KLHL23: variants seen among roughly 807,000 people sequenced by gnomAD.
KLHL23 encodes the protein kelch-like protein 23.
In KLHL23, 33 loss-of-function variants were observed where a neutral mutation model predicts 48.9. That is an observed-to-expected ratio of 0.67 (90% CI 0.51 to 0.90). KLHL23 has a LOEUF of 0.90. KLHL23 is among the 40% of genes least tolerant of loss of function. The pLI, the probability that KLHL23 is intolerant of heterozygous loss-of-function variation, is 0.00. For synonymous variants in KLHL23, 234 were observed against 231.6 expected, an observed-to-expected ratio of 1.01 and a Z score of -0.09; for missense variants, 608 against 669.6, an observed-to-expected ratio of 0.91 and a Z score of 1.02.
rs1170040698 is a variant in KLHL23, at chr2:169,749,815, C to T, written c.*83C>T. The T allele has an allele frequency of 1.6e-5, 24 of 1,479,932 alleles. No individual in the cohort carries two copies. The highest frequency in any genetic ancestry group is 1.4e-5 in the Non-Finnish European group (15 of 1,101,868). The allele number at this position is 1,479,932 out of a possible 1,614,324, so 91.7% of individuals were successfully genotyped here. ...AGAATGCAGGGTTTGAAGTTCCTTA[C>T]CTGATAATTGTGTCTGGCACATGAT... On this transcript the variant is annotated 3_prime_UTR_variant, in exon 4 of 4. Coordinates refer to ENST00000392647, the MANE Select transcript of KLHL23 (RefSeq NM_144711.6).
rs767778968 is a variant in KLHL23 at position 169,735,758 on chromosome 2, C to A, written c.744C>A (p.Thr248=). The change falls in exon 2 of 4, where the codon ACC becomes ACA. Residue 248 remains threonine, a synonymous_variant. Coordinates refer to ENST00000392647, the MANE Select transcript of KLHL23 (RefSeq NM_144711.6). The surrounding 1 kb of genome is among the most constrained non-coding windows in gnomAD (Gnocchi z 4.5). Reference sequence around the variant, plus strand: ...GCCTTCAAAGAAGCTGCCTGCTCACCGAAAATAAGATCCGCTCCCTAATAT... The same window carrying A: ...GCCTTCAAAGAAGCTGCCTGCTCACAGAAAATAAGATCCGCTCCCTAATAT... The part of the protein sequence containing the change: ...ALGLQRSCLL[T]ENKIRSLIYN... 6.2e-7 allele frequency: 1 copy of A among 1,613,984 alleles called. No homozygotes were observed. The highest frequency in any genetic ancestry group is 8.5e-7 in the Non-Finnish European group (1 of 1,180,012).
At chr2:169,738,463 C>A (rs72891408) in intron 2 of KLHL23, among the ~76,000 whole-genome samples, 1 of 151,722 alleles carries the variant, frequency 6.6e-6, no homozygotes, top group South Asian at 2.1e-4. Context: ...TTTTTCAATT[C>A]GTTTTATTTT....
At position 169,749,573 on chromosome 2, in the gene KLHL23, GA is replaced by G. The variant is rs1283166973; in HGVS notation, c.1520del (p.Asn507MetfsTer33). ...RRMECGAVIM[N>X]GCIYVTGGYS... is the part of the protein sequence containing the mutation. ...GGATGGAGTGCGGTGCCGTCATCAT[GA>G]ATGGATGTATTTATGTCACTGGAGG... On this transcript the variant is annotated frameshift_variant, in exon 4 of 4. Transcript: ENST00000392647. LOFTEE classifies it high-confidence loss of function. The G allele has an allele frequency of 2.5e-6, 4 of 1,614,070 alleles. No individual in the cohort carries two copies. The highest frequency in any genetic ancestry group is 3.4e-6 in the Non-Finnish European group (4 of 1,180,012).
chr2:169,741,165 C>T (rs1014685716), intron 2 of KLHL23: 1 of 407,576 alleles, frequency 2.5e-6, no homozygotes, highest in Non-Finnish European at 4.3e-6. Flanking sequence ...TTATGGAGAT[C>T]ATTGTGCGTG....
intron 3 of KLHL23, among the ~76,000 whole-genome samples, chr2:169,742,356 A>G (rs1053488106): frequency 2.0e-5 from 3 of 152,178 alleles, no homozygotes; most frequent in Non-Finnish European, 2.9e-5. Flanking sequence ...AGCACTTCAT[A>G]TGTGTATTAC....
rs1192102856 is a variant in KLHL23, at chr2:169,735,703, T to C, written c.689T>C (p.Ile230Thr). 2 of 1,614,014 alleles carry C rather than the reference T, an allele frequency of 1.2e-6. No homozygotes were observed. Among genetic ancestry groups the C allele is most frequent in the East Asian group, 2.2e-5 (1 of 44,880 alleles). ...CTACTGAGCTATATCAACATTGATA[T>C]AGATCCAGTGTACTTAAAAACAGCC... ...YNLLSYINID[I>T]DPVYLKTALG... Residue 230 changes from isoleucine (I) to threonine (T), a missense_variant, in exon 2 of 4, where the codon ATA becomes ACA. Coordinates refer to ENST00000392647, the MANE Select transcript of KLHL23 (RefSeq NM_144711.6). This position sits in a 1 kb window ranked among gnomAD's most constrained non-coding sequence, Gnocchi z 4.5.
At chr2:169,738,835 TC>T (rs1688583808) in intron 2 of KLHL23, among the ~76,000 whole-genome samples, 5 of 8,180 alleles carry the variant, frequency 6.1e-4, no homozygotes, top group Non-Finnish European at 9.0e-4. Context: ...TTCCTCCCCC[TC>T]CTCCCCCTCC....
At chr2:169,734,267 G>A (rs983898724) in intron 1 of KLHL23, among the ~76,000 whole-genome samples, 180 bp downstream of exon 1, 2 of 147,114 alleles carry the variant, frequency 1.4e-5, no homozygotes, top group African/African-American at 4.9e-5. Context: ...TTGCGCTGGG[G>A]CTGCCTGCGG....
chr2:169,736,087 C>T lies in KLHL23; in HGVS notation c.1073C>T (p.Ala358Val), dbSNP rs763407323. ...ACAGAAGGTTTGCCAATGCTCAATGCCAGGTATTACCACTGTGCAGTCACC... is the reference window on the plus strand; with the variant it reads ...ACAGAAGGTTTGCCAATGCTCAATGTCAGGTATTACCACTGTGCAGTCACC... The part of the protein sequence containing the change: ...EWTEGLPMLN[A>V]RYYHCAVTLG... The change falls in exon 2 of 4, where the codon GCC becomes GTC. Residue 358 changes from alanine to valine, a missense_variant. Physicochemically the swap from Ala to Val is moderately conservative, Grantham distance 64. Around this residue, in one of 3 missense-constraint regions of KLHL23, gnomAD observed 419 missense variants for 473.1 expected, o/e 0.89. Transcript: ENST00000392647. 1 of 1,614,154 alleles carries T rather than the reference C, an allele frequency of 6.2e-7. No homozygotes were observed. The highest frequency in any genetic ancestry group is 8.5e-7 in the Non-Finnish European group (1 of 1,180,042).
Position 169,735,000 on chromosome 2 carries a change from A to G in KLHL23, c.-2-13A>G. The G allele has an allele frequency of 6.6e-7, 1 of 1,520,286 alleles. No individual in the cohort carries two copies. The highest frequency in any genetic ancestry group is 2.3e-4 in the Middle Eastern group (1 of 4,396). 94.2% of individuals were successfully genotyped at this position (1,520,286 alleles called of 1,614,324 possible). A position where few individuals can be genotyped will look rare whatever the true frequency, so the allele number is the denominator to read the frequency against. ...ACATTGAAAACACATTTGTTATTTC[A>G]TATTTATTGCAGCCATGGCTCTAAA... On this transcript the variant is annotated splice_polypyrimidine_tract_variant and intron_variant, in intron 1 of 3. Coordinates refer to ENST00000392647, the MANE Select transcript of KLHL23 (RefSeq NM_144711.6).
chr2:169,749,055 G>A (rs1033465346), intron 3 of KLHL23, among the ~76,000 whole-genome samples: 1 of 152,178 alleles, frequency 6.6e-6, no homozygotes, highest in African/African-American at 2.4e-5. Flanking sequence ...TGCTTATCGA[G>A]GGTATCTTTC....
chr2:169,738,307 A>G (rs1027382359), intron 2 of KLHL23, among the ~76,000 whole-genome samples: 1 of 151,826 alleles, frequency 6.6e-6, no homozygotes, highest in Non-Finnish European at 1.5e-5. Flanking sequence ...GGGTCTCACT[A>G]TGTTGCCCAG....
chr2:169,748,356 G>A (rs904847885), intron 3 of KLHL23, among the ~76,000 whole-genome samples: 12 of 152,308 alleles, frequency 7.9e-5, no homozygotes, highest in Admixed American at 2.6e-4. Context: ...GCGATAGTGC[G>A]CTAAATCTTT....
At chr2:169,734,365 C>T (rs1027977876) in intron 1 of KLHL23, among the ~76,000 whole-genome samples, 3 of 148,678 alleles carry the variant, frequency 2.0e-5, no homozygotes, top group Non-Finnish European at 3.0e-5. Context: ...GAGTCCAGCC[C>T]CGCTCCTGGC....
rs1250860979 is a variant in KLHL23, at chr2:169,736,181, T to C, written c.1167T>C (p.Tyr389=). 6.2e-7 allele frequency: 1 copy of C among 1,612,698 alleles called. No individual in the cohort carries two copies. The highest frequency in any genetic ancestry group is 2.2e-5 in the East Asian group (1 of 44,882). The change falls in exon 2 of 4, where the codon TAT becomes TAC. Residue 389 remains tyrosine (Y), a synonymous_variant. Coordinates refer to ENST00000392647, the MANE Select transcript of KLHL23 (RefSeq NM_144711.6). ...CTCCAGCAGAAGAGGCTGAGTTCTATGATCCTTTAAAAGAGAAATGGATTC... is the reference window on the plus strand; with the variant it reads ...CTCCAGCAGAAGAGGCTGAGTTCTACGATCCTTTAAAAGAGAAATGGATTC... ...KGAPAEEAEF[Y]DPLKEKWIPI...
Position 169,739,105 on chromosome 2 carries a change from G to T in KLHL23, c.1214-2280G>T, listed in dbSNP as rs1316462046. 2.1e-5 allele frequency among the ~76,000 whole-genome samples: 3 copies of T among 142,458 alleles called. No homozygotes were observed. The East Asian group carries it at 6.5e-4, about 31-fold the overall frequency. 93.5% of individuals were successfully genotyped at this position (142,458 alleles called of 152,430 possible). A position where few individuals can be genotyped will look rare whatever the true frequency, so the allele number is the denominator to read the frequency against. On this transcript the variant is annotated intron_variant, in intron 2 of 3. Coordinates refer to ENST00000392647, the MANE Select transcript of KLHL23 (RefSeq NM_144711.6). ...ACTTCCCCCACCCCTCCTTGTTTTGGCATCAGTGATTCCAGTTTTTCCAGC... is the reference window on the plus strand; with the variant it reads ...ACTTCCCCCACCCCTCCTTGTTTTGTCATCAGTGATTCCAGTTTTTCCAGC...
At position 169,749,704 on chromosome 2, in the gene KLHL23, AT is replaced by A; in HGVS notation, c.1650del (p.His550GlnfsTer11). 1 of 1,609,880 alleles carries A rather than the reference AT, an allele frequency of 6.2e-7. No individual in the cohort carries two copies. Among genetic ancestry groups the A allele is most frequent in the East Asian group, 2.2e-5 (1 of 44,774 alleles). ...AATCTTCCCAGTGCCATGCGGTCTC[AT>A]GGGTGTGTTTGTGTGTATAATGTCT... is the stretch of plus-strand genomic sequence containing the variant. ...VGNLPSAMRS[H>X]GCVCVYNV is the part of the protein sequence containing the mutation. On this transcript the variant is annotated frameshift_variant, in exon 4 of 4. Transcript: ENST00000392647. LOFTEE classifies it high-confidence loss of function.
rs191338134 is a variant in KLHL23 at position 169,733,930 on chromosome 2, C to T, written c.-160C>T. On this transcript the variant is annotated 5_prime_UTR_variant, in exon 1 of 4. Coordinates refer to ENST00000392647, the MANE Select transcript of KLHL23 (RefSeq NM_144711.6). Reference sequence around the variant, plus strand: ...TGTTCGGGTGGAGGCGGGGGAGCCGCCGGGACACCAAAATAGGAGCTGCTT... The same window carrying T: ...TGTTCGGGTGGAGGCGGGGGAGCCGTCGGGACACCAAAATAGGAGCTGCTT... The T allele has an allele frequency of 6.6e-6, 1 of 152,144 alleles. No individual in the cohort carries two copies. The highest frequency in any genetic ancestry group is 2.0e-4 in the East Asian group (1 of 5,122). The allele number at this position is 152,144 out of a possible 1,614,324, so 9.4% of individuals were successfully genotyped here. A position where few individuals can be genotyped will look rare whatever the true frequency, so the allele number is the denominator to read the frequency against.
chr2:169,748,637 T>G (rs1431802901), intron 3 of KLHL23, among the ~76,000 whole-genome samples: 1 of 141,532 alleles, frequency 7.1e-6, no homozygotes, highest in East Asian at 2.1e-4. Flanking sequence ...TTCGCTAGCC[T>G]CACTCTTGTC....
Sources: allele counts gnomAD v4.1 joint callset (sites outside exome capture counted in the v4.1 genomes callset), GRCh38; gene constraint gnomAD v4.1.1; regional missense constraint gnomAD v4.1.1; non-coding constraint Gnocchi (gnomAD v3.1); transcripts MANE v1.5; gene names NCBI Gene and HGNC (gene_info 2026-07-23, HGNC 2026-07-21).